NTM: variants seen among roughly 807,000 people sequenced by gnomAD.
The protein encoded by NTM is IgLON family member 2.
A neutral mutation model predicts 42.1 loss-of-function variants in NTM; 13 were observed. The observed-to-expected ratio is 0.31, with a 90% CI of 0.20 to 0.49. The LOEUF (loss-of-function observed/expected upper bound fraction) is 0.49. NTM is among the 20% of genes least tolerant of loss of function. NTM has a pLI of 0.99. For missense variants in NTM, 373 were observed against 452.8 expected, an observed-to-expected ratio of 0.82 and a Z score of 1.60; for synonymous variants, 187 against 179.2, an observed-to-expected ratio of 1.04 and a Z score of -0.35.
chr11:131,951,242 C>CT (rs936355207), intron 2 of NTM, among the ~76,000 whole-genome samples: 78 of 151,586 alleles, frequency 5.1e-4, no homozygotes, highest in African/African-American at 1.1e-3. Context: ...TCTCACTCAT[C>CT]TTTTTTTTTC....
rs946326676 is a variant in NTM, at chr11:131,401,114, G to A, written c.82+30226G>A. ...AGTGGAAAGGAGAAAGCAAGAGATA[G>A]ATCAAAACACAACCACAAAACCTAA... On this transcript the variant is annotated intron_variant, in intron 1 of 8. Transcript: ENST00000683400. 2.0e-5 allele frequency among the ~76,000 whole-genome samples: 3 copies of A among 151,488 alleles called. No homozygotes were observed. The East Asian group carries it at 5.8e-4, about 29-fold the overall frequency.
chr11:131,732,820 G>A (rs1284601361), intron 1 of NTM, among the ~76,000 whole-genome samples: 1 of 152,028 alleles, frequency 6.6e-6, no homozygotes, highest in African/African-American at 2.4e-5. Context: ...TACATTTTCT[G>A]GAGTCATATA....
intron 2 of NTM, among the ~76,000 whole-genome samples, chr11:131,935,509 T>C (rs915540541): frequency 6.6e-6 from 1 of 152,048 alleles, no homozygotes; most frequent in Non-Finnish European, 1.5e-5. Context: ...GGTGGAGTTA[T>C]GTTGGAATTG....
intron 1 of NTM, among the ~76,000 whole-genome samples, chr11:131,755,185 A>G (rs956095116): frequency 4.6e-5 from 7 of 152,226 alleles, no homozygotes; most frequent in Non-Finnish European, 2.9e-5. Flanking sequence ...TTTATTGTAT[A>G]TAAGTTATAC....
At chr11:131,568,083 G>T (rs944466838) in intron 1 of NTM, among the ~76,000 whole-genome samples, 9 of 152,184 alleles carry the variant, frequency 5.9e-5, no homozygotes, top group Non-Finnish European at 1.3e-4. Flanking sequence ...GAATCCTCTC[G>T]ACAGCCGAAG....
At chr11:131,793,060 G>A (rs1239891094) in intron 1 of NTM, among the ~76,000 whole-genome samples, 1 of 152,188 alleles carries the variant, frequency 6.6e-6, no homozygotes, top group African/African-American at 2.4e-5. Context: ...GCTCCTTAGC[G>A]AGAATCGCCA....
intron 6 of NTM, among the ~76,000 whole-genome samples, chr11:132,310,615 C>CG (rs2095251630): frequency 6.6e-6 from 1 of 152,074 alleles, no homozygotes; most frequent in African/African-American, 2.4e-5. Context: ...GGAAGGCTCT[C>CG]AGGGCCCTGG....
intron 1 of NTM, among the ~76,000 whole-genome samples, chr11:131,712,988 G>A (rs1025668985): frequency 7.2e-5 from 11 of 152,278 alleles, no homozygotes; most frequent in Non-Finnish European, 1.3e-4. Flanking sequence ...GTAGCAGAGA[G>A]GGAGCCCCGG....
intron 2 of NTM, among the ~76,000 whole-genome samples, chr11:132,017,877 C>T (rs75144273): frequency 6.6e-6 from 1 of 151,834 alleles, no homozygotes; most frequent in East Asian, 1.9e-4. Context: ...TAATTTTTCT[C>T]GATGCCATTG....
chr11:132,276,666 G>T (rs2093738099), intron 4 of NTM, among the ~76,000 whole-genome samples: 1 of 152,080 alleles, frequency 6.6e-6, no homozygotes, highest in Non-Finnish European at 1.5e-5. Context: ...GTCTCAAATG[G>T]GATTCCTTAG....
intron 8 of NTM, among the ~76,000 whole-genome samples, chr11:132,331,685 A>G (rs2095802809): frequency 6.6e-6 from 1 of 152,196 alleles, no homozygotes. Context: ...TAAGTTAGGC[A>G]AAGAGAATTA....
At chr11:131,414,202 T>C (rs903442767) in intron 1 of NTM, among the ~76,000 whole-genome samples, 4 of 152,112 alleles carry the variant, frequency 2.6e-5, no homozygotes, top group African/African-American at 7.2e-5. Context: ...TAGAGACACA[T>C]GTTACACTGT....
chr11:131,976,198 C>T (rs2064358051), intron 2 of NTM, among the ~76,000 whole-genome samples: 1 of 139,438 alleles, frequency 7.2e-6, no homozygotes, highest in South Asian at 2.4e-4. Flanking sequence ...TTCAGTTTAA[C>T]TCAGCTTTCA....
chr11:131,466,708 G>A (rs190779598), intron 1 of NTM, among the ~76,000 whole-genome samples: 79 of 152,082 alleles, frequency 5.2e-4, no homozygotes, highest in Middle Eastern at 6.8e-3. Context: ...TAGGTAGCTG[G>A]GTATATCATG....
At chr11:132,296,590 G>A (rs901289188) in intron 4 of NTM, among the ~76,000 whole-genome samples, 6 of 152,106 alleles carry the variant, frequency 3.9e-5, no homozygotes, top group Non-Finnish European at 5.9e-5. Flanking sequence ...AAGAGACGTC[G>A]CCATACTGAG....
intron 1 of NTM, among the ~76,000 whole-genome samples, chr11:131,840,866 A>G (rs946301320): frequency 3.3e-5 from 5 of 152,204 alleles, no homozygotes; most frequent in African/African-American, 1.2e-4. Flanking sequence ...AAGTGAGGCC[A>G]TCGGGCAAAT....
intron 2 of NTM, among the ~76,000 whole-genome samples, chr11:132,042,290 A>C (rs2077308435): frequency 1.3e-5 from 2 of 152,178 alleles, no homozygotes; most frequent in African/African-American, 4.8e-5. Flanking sequence ...TATCAGTAGA[A>C]GAATGGCCCC....
intron 2 of NTM, among the ~76,000 whole-genome samples, chr11:132,093,822 A>G (rs906582072): frequency 5.9e-5 from 9 of 152,204 alleles, no homozygotes; most frequent in African/African-American, 1.9e-4. Context: ...ATTCTCAAAA[A>G]TATTGTAGAT....
At chr11:131,392,700 G>T (rs1273108300) in intron 1 of NTM, among the ~76,000 whole-genome samples, 3 of 152,224 alleles carry the variant, frequency 2.0e-5, no homozygotes, top group Non-Finnish European at 2.9e-5. Flanking sequence ...CCTGTTGCCT[G>T]TTCCTTTAAT....
Sources: allele counts gnomAD v4.1 joint callset (sites outside exome capture counted in the v4.1 genomes callset), GRCh38; gene constraint gnomAD v4.1.1; transcripts MANE v1.5; gene names NCBI Gene and HGNC (gene_info 2026-07-23, HGNC 2026-07-21).